PREX2: variants seen among roughly 807,000 people sequenced by gnomAD.
PREX2 encodes the protein phosphatidylinositol-3,4,5-trisphosphate dependent Rac exchange factor 2, also known as phosphatidylinositol 3,4,5-trisphosphate-dependent Rac exchanger 2 protein.
A neutral mutation model predicts 203.2 loss-of-function variants in PREX2; 107 were observed. That is an observed-to-expected ratio of 0.53 (90% CI 0.45 to 0.62). PREX2 has a LOEUF of 0.62. Among genes scored for constraint, PREX2 ranks in the 20% least tolerant of loss-of-function variants. PREX2 has a pLI of 0.00. For synonymous variants in PREX2, 672 were observed against 663.6 expected, an observed-to-expected ratio of 1.01 and a Z score of -0.19; for missense variants, 1,777 against 1,955.9, an observed-to-expected ratio of 0.91 and a Z score of 1.72.
intron 26 of PREX2, among the ~76,000 whole-genome samples, chr8:68,117,108 A>G (rs1336622099): frequency 6.6e-6 from 1 of 152,256 alleles, no homozygotes; most frequent in African/African-American, 2.4e-5. Context: ...TTAAATAGTA[A>G]TCAAAGTTCT....
At chr8:68,131,352 C>G (rs1488792348) in intron 31 of PREX2, among the ~76,000 whole-genome samples, 1 of 152,128 alleles carries the variant, frequency 6.6e-6, no homozygotes, top group Non-Finnish European at 1.5e-5. Context: ...TCTGTGCGAA[C>G]AATTCATCTA....
At chr8:68,164,560 T>C (rs1342044948) in intron 35 of PREX2, among the ~76,000 whole-genome samples, 1 of 150,720 alleles carries the variant, frequency 6.6e-6, no homozygotes, top group Non-Finnish European at 1.5e-5. Context: ...GATCTGGCTT[T>C]TTTTTCTTTC....
chr8:68,184,895 T>A (rs969523321), intron 35 of PREX2, among the ~76,000 whole-genome samples: 10 of 152,176 alleles, frequency 6.6e-5, no homozygotes, highest in African/African-American at 2.4e-4. Flanking sequence ...AAAGTGAGCA[T>A]CCCTGGAGCA....
intron 35 of PREX2, among the ~76,000 whole-genome samples, chr8:68,187,959 AG>A (rs1812223856): frequency 6.6e-6 from 1 of 152,198 alleles, no homozygotes; most frequent in Non-Finnish European, 1.5e-5. Flanking sequence ...ATTGTACACT[AG>A]GTGGAAATCC....
intron 38 of PREX2, 56 bp from the exon 39 acceptor site, chr8:68,224,503 A>G (rs755463886): frequency 4.2e-5 from 54 of 1,272,588 alleles, no homozygotes; most frequent in Non-Finnish European, 6.2e-5. Flanking sequence ...TGTTAATGGT[A>G]TGTTAAATTA....
At chr8:68,219,054 G>T (rs909127412) in intron 38 of PREX2, among the ~76,000 whole-genome samples, 6 of 152,150 alleles carry the variant, frequency 3.9e-5, no homozygotes, top group African/African-American at 7.2e-5. Context: ...AATACAGAAA[G>T]AAATTAATTG....
rs1191240049 is a variant in PREX2, at chr8:68,098,942, A to G, written c.2554-740A>G. On this transcript the variant is annotated intron_variant, in intron 22 of 39. Transcript: ENST00000288368. ...AGAAATGCTACATATATATGTGTAT[A>G]TATATATATATATATATATATATAT... Among the ~76,000 whole-genome samples the G allele has an allele frequency of 4.0e-3, 213 of 52,958 alleles. 1 individual carries two copies. The highest frequency in any genetic ancestry group is 7.0e-3 in the African/African-American group (119 of 16,924). 34.7% of individuals were successfully genotyped at this position (52,958 alleles called of 152,430 possible). A position where few individuals can be genotyped will look rare whatever the true frequency, so the allele number is the denominator to read the frequency against.
intron 38 of PREX2, among the ~76,000 whole-genome samples, chr8:68,220,810 C>T (rs917328254): frequency 6.6e-6 from 1 of 152,082 alleles, no homozygotes; most frequent in African/African-American, 2.4e-5. Flanking sequence ...GGATAGCTGG[C>T]GAAGGGCTTC....
intron 1 of PREX2, among the ~76,000 whole-genome samples, chr8:68,011,114 C>A (rs535444051): frequency 1.3e-5 from 2 of 152,294 alleles, no homozygotes; most frequent in African/African-American, 2.4e-5. Flanking sequence ...GATATCACTT[C>A]TAAGAGTAAA....
chr8:68,122,055 G>C (rs945158988), intron 30 of PREX2, among the ~76,000 whole-genome samples: 36 of 152,102 alleles, frequency 2.4e-4, no homozygotes, highest in African/African-American at 8.4e-4. Context: ...AAATTAAAGA[G>C]AGCTGTAAAT....
At chr8:68,052,961 T>G in intron 8 of PREX2, 136 bp from the exon 9 acceptor site, 1 of 699,922 alleles carries the variant, frequency 1.4e-6, no homozygotes, top group Non-Finnish European at 2.3e-6. Flanking sequence ...TTTATGTTTT[T>G]CAATATACAT....
chr8:67,987,670 C>T (rs946312709), intron 1 of PREX2, among the ~76,000 whole-genome samples: 3 of 152,188 alleles, frequency 2.0e-5, no homozygotes, highest in African/African-American at 7.2e-5. Flanking sequence ...TCAAGTGGTT[C>T]CCTTTGCTAG....
At chr8:68,004,280 A>G (rs1585697267) in intron 1 of PREX2, among the ~76,000 whole-genome samples, 2 of 152,348 alleles carry the variant, frequency 1.3e-5, no homozygotes, top group East Asian at 1.9e-4. Flanking sequence ...TTACTGAAGC[A>G]TGAATTGAGT....
intron 35 of PREX2, among the ~76,000 whole-genome samples, chr8:68,167,681 C>T (rs1460850571): frequency 6.6e-6 from 1 of 152,134 alleles, no homozygotes; most frequent in Non-Finnish European, 1.5e-5. Context: ...GACTTTTCAC[C>T]TCTCACTTAG....
At chr8:68,002,727 G>A (rs1179065494) in intron 1 of PREX2, among the ~76,000 whole-genome samples, 1 of 152,024 alleles carries the variant, frequency 6.6e-6, no homozygotes, top group Non-Finnish European at 1.5e-5. Flanking sequence ...CAAAATGTGA[G>A]TGGTTCTTCC....
chr8:68,007,279 T>C (rs1807123625), intron 1 of PREX2, among the ~76,000 whole-genome samples: 1 of 152,256 alleles, frequency 6.6e-6, no homozygotes, highest in Non-Finnish European at 1.5e-5. Context: ...TTCTTGAATT[T>C]GTAAGAAAAT....
chr8:68,157,208 A>G, intron 34 of PREX2, 114 bp from the exon 35 acceptor site: 1 of 486,720 alleles, frequency 2.1e-6, no homozygotes, highest in East Asian at 3.2e-5. Flanking sequence ...TTTTGCATAT[A>G]TGTTGATAAT....
intron 30 of PREX2, 128 bp downstream of exon 30, chr8:68,121,177 A>G (rs1810766576): frequency 2.1e-6 from 2 of 968,746 alleles, no homozygotes; most frequent in East Asian, 2.6e-5. Context: ...AAATAAAAGT[A>G]CTGAAAATGG....
chr8:68,071,307 G>A (rs1809189092), intron 13 of PREX2, among the ~76,000 whole-genome samples: 1 of 152,078 alleles, frequency 6.6e-6, no homozygotes, highest in Admixed American at 6.6e-5. Context: ...TAATATGTGT[G>A]AACTCAGCTT....
Sources: allele counts gnomAD v4.1 joint callset (sites outside exome capture counted in the v4.1 genomes callset), GRCh38; gene constraint gnomAD v4.1.1; transcripts MANE v1.5; gene names NCBI Gene and HGNC (gene_info 2026-07-23, HGNC 2026-07-21).